The following ZBTB8A variants were observed in gnomAD, a reference collection of about 807,000 sequenced individuals.
ZBTB8A encodes zinc finger and BTB domain-containing protein 8A.
ZBTB8A carries 19 observed loss-of-function variants against 37.8 expected under a neutral mutation model. That is an observed-to-expected ratio of 0.50 (90% CI 0.35 to 0.74). ZBTB8A has a LOEUF of 0.74. ZBTB8A is among the 30% of genes least tolerant of loss of function. The probability of loss-of-function intolerance (pLI) is 0.01; values close to 1 mark genes in which losing one functional copy is unlikely to be tolerated. For synonymous variants in ZBTB8A, 181 were observed against 185.2 expected, an observed-to-expected ratio of 0.98 and a Z score of 0.19; for missense variants, 394 against 537.8, an observed-to-expected ratio of 0.73 and a Z score of 2.65.
chr1:32,584,012 C>T (rs1405203675), intron 2 of ZBTB8A, among the ~76,000 whole-genome samples: 1 of 152,086 alleles, frequency 6.6e-6, no homozygotes, highest in African/African-American at 2.4e-5. Flanking sequence ...CCTGCCTCGG[C>T]CTCCCAAAGT....
rs575153643 is a variant in ZBTB8A, at chr1:32,558,698, TG to T, written c.-2+5160del. Among the ~76,000 whole-genome samples the T allele has an allele frequency of 2.6e-5, 4 of 152,230 alleles. No homozygotes were observed. The East Asian group carries it at 7.7e-4, about 29-fold the overall frequency. On this transcript the variant is annotated intron_variant, in intron 2 of 4. Coordinates refer to ENST00000373510, the MANE Select transcript of ZBTB8A (RefSeq NM_001040441.3). ...TGGATTAGGCACTGGAGGAAAATAGTGGTACTAATTCCCAAGAAAGGAGACA... is the reference window on the plus strand; with the variant it reads ...TGGATTAGGCACTGGAGGAAAATAGTGTACTAATTCCCAAGAAAGGAGACA...
chr1:32,542,599 C>T lies in ZBTB8A; in HGVS notation c.-84+3027C>T, dbSNP rs751055951. Among the ~76,000 whole-genome samples the T allele has an allele frequency of 4.5e-4, 69 of 152,030 alleles. 1 individual carries two copies. Among genetic ancestry groups the T allele is most frequent in the Non-Finnish European group, 4.7e-4 (32 of 67,986 alleles). On this transcript the variant is annotated intron_variant, in intron 1 of 4. Coordinates refer to ENST00000373510, the MANE Select transcript of ZBTB8A (RefSeq NM_001040441.3). ...AAAAAAAGAGAGTTGATCTTCTCAACGACAACCTTAGTTCAAGTTACACTC... is the reference window on the plus strand; with the variant it reads ...AAAAAAAGAGAGTTGATCTTCTCAATGACAACCTTAGTTCAAGTTACACTC...
chr1:32,577,301 T>C lies in ZBTB8A; in HGVS notation c.-1-15630T>C, dbSNP rs549218745. On this transcript the variant is annotated intron_variant, in intron 2 of 4. Transcript: ENST00000373510. Reference sequence around the variant, plus strand: ...TCTTCACCTCCCAGGTTCAAGCGATTCTCATGCCTCAACCTCCTCAGTAGC... The same window carrying C: ...TCTTCACCTCCCAGGTTCAAGCGATCCTCATGCCTCAACCTCCTCAGTAGC... 3.9e-5 allele frequency among the ~76,000 whole-genome samples: 6 copies of C among 152,050 alleles called. No individual in the cohort carries two copies. The South Asian group carries it at 1.2e-3, about 32-fold the overall frequency.
At chr1:32,544,941 C>A (rs1471949703) in intron 1 of ZBTB8A, among the ~76,000 whole-genome samples, 1 of 152,112 alleles carries the variant, frequency 6.6e-6, no homozygotes, top group Non-Finnish European at 1.5e-5. Flanking sequence ...TTAGCTGTTG[C>A]AAATAATGCT....
rs777218485 is a variant in ZBTB8A at position 32,600,405 on chromosome 1, C to T, written c.1312C>T (p.Pro438Ser). The T allele has an allele frequency of 2.5e-6, 4 of 1,610,558 alleles. No individual in the cohort carries two copies. In the African/African-American group the frequency reaches 4.0e-5, roughly 16 times the overall value. ...SEEEEEKEIK[P>S]NIR Reference sequence around the variant, plus strand: ...AGAAGAAGAAGAAAAAGAAATTAAGCCCAACATTAGGTAGCTGTAATGTGA... The same window carrying T: ...AGAAGAAGAAGAAAAAGAAATTAAGTCCAACATTAGGTAGCTGTAATGTGA... Residue 438 changes from proline (P) to serine (S), a missense_variant, in exon 5 of 5, where the codon CCC becomes TCC. Coordinates refer to ENST00000373510, the MANE Select transcript of ZBTB8A (RefSeq NM_001040441.3).
At chr1:32,560,240 C>G (rs1644233135) in intron 2 of ZBTB8A, among the ~76,000 whole-genome samples, 1 of 152,100 alleles carries the variant, frequency 6.6e-6, no homozygotes, top group East Asian at 1.9e-4. Context: ...GGCCCCACAT[C>G]CAACACTGGG....
chr1:32,542,349 G>A (rs571574664), intron 1 of ZBTB8A, among the ~76,000 whole-genome samples: 1 of 152,122 alleles, frequency 6.6e-6, no homozygotes, highest in African/African-American at 2.4e-5. Flanking sequence ...GGGGCGGGGT[G>A]TGGATCACGA....
chr1:32,572,868 C>CTTT (rs59613737), intron 2 of ZBTB8A, among the ~76,000 whole-genome samples: 1 of 142,382 alleles, frequency 7.0e-6, no homozygotes, highest in East Asian at 2.0e-4. Context: ...TTTATGTCTT[C>CTTT]TTTTTTTTTT....
chr1:32,603,461 G>C lies in ZBTB8A; in HGVS notation c.*3042G>C, dbSNP rs1324630124. ...GATTCTTAACAATTAAAGTGTATCTGAATGAGGAAGGAAACGCTTGTCATT... is the reference window on the plus strand; with the variant it reads ...GATTCTTAACAATTAAAGTGTATCTCAATGAGGAAGGAAACGCTTGTCATT... On this transcript the variant is annotated 3_prime_UTR_variant, in exon 5 of 5. Coordinates refer to ENST00000373510, the MANE Select transcript of ZBTB8A (RefSeq NM_001040441.3). The C allele has an allele frequency of 6.6e-6, 1 of 152,376 alleles. No homozygotes were observed. The highest frequency in any genetic ancestry group is 1.9e-4 in the East Asian group (1 of 5,190). 9.4% of individuals were successfully genotyped at this position (152,376 alleles called of 1,614,324 possible). A position where few individuals can be genotyped will look rare whatever the true frequency, so the allele number is the denominator to read the frequency against.
At chr1:32,547,869 C>T (rs1644119337) in intron 1 of ZBTB8A, among the ~76,000 whole-genome samples, 1 of 145,424 alleles carries the variant, frequency 6.9e-6, no homozygotes. Context: ...CGCAGTGGCT[C>T]ACACTTGTAA....
chr1:32,595,095 CAT>C lies in ZBTB8A; in HGVS notation c.866_867del (p.His289ArgfsTer31), dbSNP rs1453101347. The C allele has an allele frequency of 1.4e-5, 23 of 1,614,194 alleles. No homozygotes were observed. Among genetic ancestry groups the C allele is most frequent in the Non-Finnish European group, 1.7e-5 (20 of 1,180,038 alleles). ...GCGATTCAAGTGCCCGTACTGCACACATGTGGTGAAGCGGAAGGCAGACCTAA... is the reference window on the plus strand; with the variant it reads ...GCGATTCAAGTGCCCGTACTGCACACGTGGTGAAGCGGAAGGCAGACCTAA... Reference protein sequence around the residue: ...RMRFKCPYCTHVVKRKADLKR... With the variant: ...RMRFKCPYCTXVVKRKADLKR... On this transcript the variant is annotated frameshift_variant, in exon 4 of 5. Coordinates refer to ENST00000373510, the MANE Select transcript of ZBTB8A (RefSeq NM_001040441.3). LOFTEE classifies it high-confidence loss of function.
At chr1:32,592,344 C>G (rs12134667) in intron 2 of ZBTB8A, among the ~76,000 whole-genome samples, 19,290 of 151,418 alleles carry the variant, frequency 0.13, 1,341 homozygotes, top group African/African-American at 0.21. Context: ...GAGACCAGCT[C>G]GGGTACGTGG....
intron 4 of ZBTB8A, among the ~76,000 whole-genome samples, chr1:32,596,369 CAAA>C (rs760050080): frequency 1.9e-5 from 2 of 103,744 alleles, no homozygotes; most frequent in African/African-American, 3.6e-5. Context: ...GACTCCATCT[CAAA>C]AAAAAAAAAA....
intron 2 of ZBTB8A, among the ~76,000 whole-genome samples, chr1:32,555,904 T>A (rs1482986768): frequency 2.0e-5 from 3 of 151,914 alleles, no homozygotes; most frequent in Admixed American, 6.6e-5. Context: ...AAAAAAAAAT[T>A]TAATTTTAAT....
At chr1:32,572,685 C>T (rs1246499848) in intron 2 of ZBTB8A, among the ~76,000 whole-genome samples, 1 of 152,180 alleles carries the variant, frequency 6.6e-6, no homozygotes, top group East Asian at 1.9e-4. Flanking sequence ...GCATGAACCA[C>T]TATGCCCGGC....
chr1:32,575,609 G>A (rs1644354085), intron 2 of ZBTB8A, among the ~76,000 whole-genome samples: 1 of 152,028 alleles, frequency 6.6e-6, no homozygotes, highest in Admixed American at 6.6e-5. Flanking sequence ...AATACTTTGA[G>A]GGTCCATGGT....
intron 2 of ZBTB8A, among the ~76,000 whole-genome samples, chr1:32,589,716 AT>A (rs1271555339): frequency 6.7e-6 from 1 of 148,764 alleles, no homozygotes; most frequent in African/African-American, 2.5e-5. Context: ...TGCCTGGCTG[AT>A]TTTTTGGTAT....
intron 1 of ZBTB8A, among the ~76,000 whole-genome samples, chr1:32,543,195 T>C (rs953686502): frequency 6.6e-6 from 1 of 152,106 alleles, no homozygotes; most frequent in Non-Finnish European, 1.5e-5. Flanking sequence ...GCAATTCTCC[T>C]ACCTCAGCCT....
chr1:32,539,777 T>C (rs1218215344), intron 1 of ZBTB8A, among the ~76,000 whole-genome samples: 5 of 1,472 alleles, frequency 3.4e-3, no homozygotes, highest in Admixed American at 0.021. Flanking sequence ...GGCCGCGCCG[T>C]CGCCGCCCGC....
Sources: allele counts gnomAD v4.1 joint callset (sites outside exome capture counted in the v4.1 genomes callset), GRCh38; gene constraint gnomAD v4.1.1; transcripts MANE v1.5; gene names NCBI Gene and HGNC (gene_info 2026-07-23, HGNC 2026-07-21).